Variants in SREBF1 observed in about 807,000 individuals in gnomAD.
SREBF1 encodes sterol regulatory element binding transcription factor 1.
SREBF1 carries 45 observed loss-of-function variants against 100.1 expected under a neutral mutation model. The observed-to-expected ratio is 0.45, with a 90% CI of 0.35 to 0.58. SREBF1 has a LOEUF of 0.58. Ranked by LOEUF, SREBF1 falls within the 20% of genes least tolerant of loss-of-function variation. The pLI is 0.00. For synonymous variants in SREBF1, 657 were observed against 681.8 expected, an observed-to-expected ratio of 0.96 and a Z score of 0.57; for missense variants, 1,324 against 1,539.4, an observed-to-expected ratio of 0.86 and a Z score of 2.34.
At chr17:17,815,087 C>T (rs1465805083) in intron 13 of SREBF1, 134 bp downstream of exon 13, 6 of 1,227,494 alleles carry the variant, frequency 4.9e-6, no homozygotes, top group African/African-American at 1.5e-5. Flanking sequence ...GGAGAGGAAA[C>T]TCAGAGAGGA....
At chr17:17,813,228 C>G (rs1228836822) in intron 18 of SREBF1, 140 bp downstream of exon 18, 5 of 892,788 alleles carry the variant, frequency 5.6e-6, no homozygotes, top group African/African-American at 4.9e-5. Flanking sequence ...CTGAGCCTCC[C>G]AAAGTGCTAG....
intron 9 of SREBF1, 45 bp from the exon 10 acceptor site, chr17:17,816,763 G>T: frequency 6.4e-7 from 1 of 1,566,736 alleles, no homozygotes; most frequent in Non-Finnish European, 8.6e-7. Flanking sequence ...GGTCAGAGCA[G>T]CTGCCCCAAA....
chr17:17,817,735 ACTGCCACTGCCACCG>A lies in SREBF1; in HGVS notation c.1350_1364del (p.Gly451_Ser455del). 2 of 1,613,442 alleles carry A rather than the reference ACTGCCACTGCCACCG, an allele frequency of 1.2e-6. No homozygotes were observed. The highest frequency in any genetic ancestry group is 1.7e-6 in the Non-Finnish European group (2 of 1,179,960). On this transcript the variant is annotated inframe_deletion, in exon 7 of 19. Transcript: ENST00000261646. This position sits in a 1 kb window ranked among gnomAD's most constrained non-coding sequence, Gnocchi z 6.6. ...AGACTGGGCTGTCAGGCTCCGAGTCACTGCCACTGCCACCGCTGCCACTGCCCCTGCTGCCAAGGG... is the reference window on the plus strand; with the variant it reads ...AGACTGGGCTGTCAGGCTCCGAGTCACTGCCACTGCCCCTGCTGCCAAGGG...
chr17:17,825,577 C>A lies in SREBF1; in HGVS notation c.92-5056G>T, dbSNP rs535765772. The stretch of plus-strand genomic sequence containing the variant: ...CTGGCCAAACCCTGGCTCACTCTCC[C>A]CTGGGGCTGATCTACTGGCCAATTT... On this transcript the variant is annotated intron_variant, in intron 1 of 18. Transcript: ENST00000261646. Among the ~76,000 whole-genome samples the A allele has an allele frequency of 1.5e-3, 222 of 152,016 alleles. 1 individual carries two copies. Among genetic ancestry groups the A allele is most frequent in the African/African-American group, 5.1e-3 (211 of 41,482 alleles).
intron 1 of SREBF1, among the ~76,000 whole-genome samples, chr17:17,834,025 C>T (rs1193156927): frequency 6.8e-6 from 1 of 147,510 alleles, no homozygotes; most frequent in Non-Finnish European, 1.5e-5. Context: ...CATATAAACA[C>T]ACAGAGAGAG....
chr17:17,816,675 C>A lies in SREBF1; in HGVS notation c.1829G>T (p.Arg610Leu). The A allele has an allele frequency of 6.3e-7, 1 of 1,582,038 alleles. No individual in the cohort carries two copies. Among genetic ancestry groups the A allele is most frequent in the Middle Eastern group, 1.8e-4 (1 of 5,712 alleles). The change falls in exon 10 of 19, where the codon CGG (arginine) becomes CTG (leucine). Residue 610 changes from arginine (R) to leucine (L), a missense_variant. Transcript: ENST00000261646. ...QAAQQLWLALRALGRPLPTSH... is the reference protein window; with the variant it reads ...QAAQQLWLALLALGRPLPTSH... Reference sequence around the variant, plus strand: ...GGTGGGCAGGGGCCGGCCCAGTGCCCGCAGGGCCAGCCACAGCTGCTGGGC... The same window carrying A: ...GGTGGGCAGGGGCCGGCCCAGTGCCAGCAGGGCCAGCCACAGCTGCTGGGC...
chr17:17,829,577 C>T (rs184895700), intron 1 of SREBF1, among the ~76,000 whole-genome samples: 1 of 152,246 alleles, frequency 6.6e-6, no homozygotes, highest in East Asian at 1.9e-4. Context: ...CAGAAACCGC[C>T]ATCTGTGGCC....
Position 17,811,916 on chromosome 17 carries a change from C to G in SREBF1, c.*706G>C. On this transcript the variant is annotated 3_prime_UTR_variant, in exon 19 of 19. Transcript: ENST00000261646. The stretch of plus-strand genomic sequence containing the variant: ...GCTGGAGGCCATACAGCCAGCCCTC[C>G]CCACTCCTCCCACTAACAAACAAAC... 2.3e-6 allele frequency: 1 copy of G among 443,238 alleles called. No homozygotes were observed. 27.5% of individuals were successfully genotyped at this position (443,238 alleles called of 1,614,324 possible).
rs2033993804 is a variant in SREBF1 at position 17,820,231 on chromosome 17, G to A, written c.382C>T (p.Pro128Ser). Residue 128 changes from proline (P) to serine (S), a missense_variant, in exon 2 of 19, where the codon CCA (proline) becomes TCA (serine). By Grantham distance (74) the Pro-to-Ser change is moderately conservative (BLOSUM62 -1). Transcript: ENST00000261646. ...GTGGGGGTCTGCAGGATGCTCAGTGGCACTGACTCTTCCTTGATACCAGGC... is the reference window on the plus strand; with the variant it reads ...GTGGGGGTCTGCAGGATGCTCAGTGACACTGACTCTTCCTTGATACCAGGC... ...PGPGIKEESV[P>S]LSILQTPTPQ... is the part of the protein sequence containing the mutation. The A allele has an allele frequency of 6.2e-7, 1 of 1,613,696 alleles. No individual in the cohort carries two copies. The highest frequency in any genetic ancestry group is 1.3e-5 in the African/African-American group (1 of 74,928).
intron 16 of SREBF1, chr17:17,813,975 C>T (rs955053084): frequency 1.5e-6 from 1 of 677,334 alleles, no homozygotes; most frequent in Non-Finnish European, 2.5e-6. Context: ...GAGCAGCTGT[C>T]CAGCCCTCCT....
Position 17,813,408 on chromosome 17 carries a change from G to A in SREBF1, c.3174C>T (p.Asp1058=). 1 of 1,602,802 alleles carries A rather than the reference G, an allele frequency of 6.2e-7. No individual in the cohort carries two copies. Among genetic ancestry groups the A allele is most frequent in the South Asian group, 1.1e-5 (1 of 89,412 alleles). Residue 1058 remains aspartate (D), a synonymous_variant, in exon 18 of 19, where the codon GAC becomes GAT. Transcript: ENST00000261646. ...GGCCTGCCCGCCGCCTCAGACTGCG[G>A]TCGAGGAGCTGGTGTGTCCGTGTGG... The part of the protein sequence containing the change: ...ASPTRTHQLL[D]RSLRRRAGPG...
intron 1 of SREBF1, among the ~76,000 whole-genome samples, chr17:17,835,886 C>T (rs1156799671): frequency 2.0e-5 from 3 of 152,372 alleles, no homozygotes; most frequent in Non-Finnish European, 4.4e-5. Flanking sequence ...CCTTTGCAAG[C>T]CTCTAACTCC....
At chr17:17,821,624 G>A (rs1427013691) in intron 1 of SREBF1, among the ~76,000 whole-genome samples, 1 of 152,220 alleles carries the variant, frequency 6.6e-6, no homozygotes, top group Non-Finnish European at 1.5e-5. Context: ...GGGGGAAGAG[G>A]GGTGCAGAGA....
intron 1 of SREBF1, among the ~76,000 whole-genome samples, chr17:17,821,315 G>A (rs938001427): frequency 3.9e-5 from 6 of 152,100 alleles, no homozygotes; most frequent in Non-Finnish European, 5.9e-5. Context: ...AGAGGCCCAG[G>A]TGCAGCCTTC....
At position 17,818,298 on chromosome 17, in the gene SREBF1, T is replaced by A. The variant is rs1223678250; in HGVS notation, c.1145A>T (p.Gln382Leu). 1 of 1,613,942 alleles carries A rather than the reference T, an allele frequency of 6.2e-7. No individual in the cohort carries two copies. Among genetic ancestry groups the A allele is most frequent in the Non-Finnish European group, 8.5e-7 (1 of 1,180,036 alleles). ...AGCAGTGCGCAGACTTAGGTTCTCC[T>A]GCTTGAGTTTCTGGTTGCTGTGTTG... ...FLQHSNQKLKQENLSLRTAVH... is the reference protein window; with the variant it reads ...FLQHSNQKLKLENLSLRTAVH... Residue 382 changes from glutamine to leucine, a missense_variant, in exon 6 of 19, where the codon CAG (glutamine) becomes CTG (leucine). Coordinates refer to ENST00000261646, the MANE Select transcript of SREBF1 (RefSeq NM_004176.5).
chr17:17,827,102 G>A (rs1451610755), intron 1 of SREBF1, among the ~76,000 whole-genome samples: 1 of 152,210 alleles, frequency 6.6e-6, no homozygotes, highest in African/African-American at 2.4e-5. Context: ...GGAAGGGAGG[G>A]CAGAAGAAAC....
At position 17,819,104 on chromosome 17, in the gene SREBF1, G is replaced by T; in HGVS notation, c.977C>A (p.Thr326Lys). ...GCGCTTCTCAATGGCGTTGTGGGCTGTGCGCTTCTCTCCACGGCTCTGGGC... is the reference window on the plus strand; with the variant it reads ...GCGCTTCTCAATGGCGTTGTGGGCTTTGCGCTTCTCTCCACGGCTCTGGGC... ...ASAQSRGEKRTAHNAIEKRYR... is the reference protein window; with the variant it reads ...ASAQSRGEKRKAHNAIEKRYR... The change falls in exon 5 of 19, where the codon ACA becomes AAA. Residue 326 changes from threonine (T) to lysine (K), a missense_variant. Physicochemically the swap from Thr to Lys is moderately conservative, Grantham distance 78 (BLOSUM62 -1). Transcript: ENST00000261646. The T allele has an allele frequency of 6.2e-7, 1 of 1,614,074 alleles. No homozygotes were observed. The highest frequency in any genetic ancestry group is 8.5e-7 in the Non-Finnish European group (1 of 1,180,048).
Position 17,817,407 on chromosome 17 carries a change from G to A in SREBF1, c.1455C>T (p.Arg485=). The change falls in exon 8 of 19, where the codon CGC becomes CGT. Residue 485 remains arginine, a synonymous_variant. Coordinates refer to ENST00000261646, the MANE Select transcript of SREBF1 (RefSeq NM_004176.5). The surrounding 1 kb of genome is among the most constrained non-coding windows in gnomAD (Gnocchi z 6.6). ...CGAGCGTGCACAGGGCCAGGCGGGA[G>A]CGGTCCAGCATGCCCCGGCTGTGCA... ...PSLHSRGMLD[R]SRLALCTLVF... is the part of the protein sequence containing the mutation. The A allele has an allele frequency of 6.2e-7, 1 of 1,601,454 alleles. No individual in the cohort carries two copies. The highest frequency in any genetic ancestry group is 8.5e-7 in the Non-Finnish European group (1 of 1,174,292).
At chr17:17,831,614 T>C (rs1037317142) in intron 1 of SREBF1, among the ~76,000 whole-genome samples, 3 of 152,130 alleles carry the variant, frequency 2.0e-5, no homozygotes, top group African/African-American at 7.2e-5. Context: ...TTGTGCAAAA[T>C]TGGATAAATT....
Sources: allele counts gnomAD v4.1 joint callset (sites outside exome capture counted in the v4.1 genomes callset), GRCh38; gene constraint gnomAD v4.1.1; non-coding constraint Gnocchi (gnomAD v3.1); transcripts MANE v1.5; gene names NCBI Gene and HGNC (gene_info 2026-07-23, HGNC 2026-07-21).